TLR5: variants seen among roughly 807,000 people sequenced by gnomAD.
TLR5 encodes the protein toll-like receptor 5.
For missense variants in TLR5, 944 were observed against 999.8 expected (o/e 0.94, Z 0.75); for synonymous variants, 373 against 384.4 (o/e 0.97, Z 0.35).
rs778914774 is a variant in TLR5, at chr1:223,110,492, T to C, written c.2540A>G (p.Asn847Ser). ...LKKEKEKKKD[N>S]NIPLQTVATI... Reference sequence around the variant, plus strand: ...TGCTACAGTTTGCAACGGAATGTTATTGTCTTTCTTCTTTTCTTTTTCTTT... The same window carrying C: ...TGCTACAGTTTGCAACGGAATGTTACTGTCTTTCTTCTTTTCTTTTTCTTT... The change falls in exon 6 of 6, where the codon AAT (asparagine) becomes AGT (serine). Residue 847 changes from asparagine to serine, a missense_variant. Physicochemically the swap from Asn to Ser is conservative, Grantham distance 46. Transcript: ENST00000642603. The C allele has an allele frequency of 2.5e-6, 4 of 1,614,178 alleles. No homozygotes were observed. Among genetic ancestry groups the C allele is most frequent in the Non-Finnish European group, 8.5e-7 (1 of 1,180,034 alleles).
chr1:223,143,174 C>T (rs1258066790), intron 1 of TLR5, 22 bp downstream of exon 1: 1 of 152,232 alleles, frequency 6.6e-6, no homozygotes, highest in East Asian at 1.9e-4. Context: ...CGGCCCATCC[C>T]CTGCCGCTGC....
chr1:223,142,425 G>T (rs968478842), intron 1 of TLR5, among the ~76,000 whole-genome samples: 6 of 152,146 alleles, frequency 3.9e-5, no homozygotes, highest in Non-Finnish European at 8.8e-5. Context: ...TCCCTCCTCC[G>T]GGAGAAAGCC....
At position 223,111,344 on chromosome 1, in the gene TLR5, G is replaced by T; in HGVS notation, c.1688C>A (p.Pro563His). The change falls in exon 6 of 6, where the codon CCT becomes CAT. Residue 563 changes from proline (P) to histidine (H), a missense_variant. Pro to His is a moderately conservative substitution (Grantham distance 77). Coordinates refer to ENST00000642603, the MANE Select transcript of TLR5 (RefSeq NM_003268.6). ...LDISRNQLLAPNPDVFVSLSV... is the reference protein window; with the variant it reads ...LDISRNQLLAHNPDVFVSLSV... ...AAGTGATACAAATACATCAGGATTA[G>T]GAGCTAGGAGCTGGTTCCTGGATAT... 6.2e-7 allele frequency: 1 copy of T among 1,614,146 alleles called. No individual in the cohort carries two copies. Among genetic ancestry groups the T allele is most frequent in the Non-Finnish European group, 8.5e-7 (1 of 1,180,022 alleles).
At chr1:223,119,240 G>A (rs1490316145) in intron 5 of TLR5, among the ~76,000 whole-genome samples, 2 of 152,136 alleles carry the variant, frequency 1.3e-5, no homozygotes, top group Admixed American at 6.5e-5. Flanking sequence ...CCACACAGCT[G>A]TAGGATGTCC....
Position 223,110,491 on chromosome 1 carries a change from A to T in TLR5, c.2541T>A (p.Asn847Lys). Residue 847 changes from asparagine to lysine, a missense_variant, in exon 6 of 6, where the codon AAT (asparagine) becomes AAA (lysine). Coordinates refer to ENST00000642603, the MANE Select transcript of TLR5 (RefSeq NM_003268.6). ...LKKEKEKKKD[N>K]NIPLQTVATI... ...TTGCTACAGTTTGCAACGGAATGTTATTGTCTTTCTTCTTTTCTTTTTCTT... is the reference window on the plus strand; with the variant it reads ...TTGCTACAGTTTGCAACGGAATGTTTTTGTCTTTCTTCTTTTCTTTTTCTT... The T allele has an allele frequency of 6.2e-7, 1 of 1,614,110 alleles. No individual in the cohort carries two copies. Among genetic ancestry groups the T allele is most frequent in the Non-Finnish European group, 8.5e-7 (1 of 1,180,014 alleles).
rs777494407 is a variant in TLR5 at position 223,110,993 on chromosome 1, T to C, written c.2039A>G (p.Lys680Arg). The change falls in exon 6 of 6, where the codon AAG (lysine) becomes AGG (arginine). Residue 680 changes from lysine to arginine, a missense_variant. Coordinates refer to ENST00000642603, the MANE Select transcript of TLR5 (RefSeq NM_003268.6). ...AGGTTCTGTGCCCTGGGGATGGTCC[T>C]TGAACACCAGTCTCTGGGCTGTCTT... ...CYKTAQRLVFKDHPQGTEPDM... is the reference protein window; with the variant it reads ...CYKTAQRLVFRDHPQGTEPDM... 5.0e-6 allele frequency: 8 copies of C among 1,614,248 alleles called. No homozygotes were observed. The Admixed American group carries it at 1.3e-4, about 27-fold the overall frequency.
At chr1:223,136,191 C>T (rs5744140) in intron 3 of TLR5, among the ~76,000 whole-genome samples, 2,747 of 152,238 alleles carry the variant, frequency 0.018, 85 homozygotes, top group East Asian at 0.091. Flanking sequence ...GGTCTGTCAG[C>T]ACCAGGAAGA....
At chr1:223,133,903 T>A (rs1357140478) in intron 4 of TLR5, among the ~76,000 whole-genome samples, 2 of 151,990 alleles carry the variant, frequency 1.3e-5, no homozygotes, top group Non-Finnish European at 2.9e-5. Flanking sequence ...GGCCGGAGAG[T>A]CGAGCGGGGC....
rs1052963925 is a variant in TLR5 at position 223,131,932 on chromosome 1, T to C, written c.-5+543A>G. On this transcript the variant is annotated intron_variant, in intron 5 of 5. Transcript: ENST00000642603. This position sits in a 1 kb window ranked among gnomAD's most constrained non-coding sequence, Gnocchi z 4.2. ...TGGTATTCTGGGTACATTTCCATCA[T>C]GGCATTTTTATTATATTATGCCTTC... 1.4e-4 allele frequency among the ~76,000 whole-genome samples: 21 copies of C among 151,898 alleles called. No homozygotes were observed. The highest frequency in any genetic ancestry group is 4.4e-4 in the African/African-American group (18 of 41,376).
intron 5 of TLR5, among the ~76,000 whole-genome samples, chr1:223,119,069 A>C (rs1656815157): frequency 6.6e-6 from 1 of 152,084 alleles, no homozygotes; most frequent in Non-Finnish European, 1.5e-5. Flanking sequence ...GTGCCATTGC[A>C]CTCCAGCCTG....
At chr1:223,137,801 A>C (rs1657669429) in intron 2 of TLR5, among the ~76,000 whole-genome samples, 1 of 151,982 alleles carries the variant, frequency 6.6e-6, no homozygotes, top group African/African-American at 2.4e-5. Flanking sequence ...AACAAACAGA[A>C]AGTCTTCTCT....
At chr1:223,140,052 CAACAG>C (rs559035055) in intron 2 of TLR5, among the ~76,000 whole-genome samples, 25 of 152,172 alleles carry the variant, frequency 1.6e-4, no homozygotes, top group Admixed American at 9.8e-4. Flanking sequence ...TACGGAGCTT[CAACAG>C]AGGTCTATGC....
At position 223,111,747 on chromosome 1, in the gene TLR5, G is replaced by GGAT. The variant is rs1558117511; in HGVS notation, c.1282_1284dup (p.Ile428dup). On this transcript the variant is annotated inframe_insertion, in exon 6 of 6. Coordinates refer to ENST00000642603, the MANE Select transcript of TLR5 (RefSeq NM_003268.6). ...TTTTCTAGCCTGTTTTCTGATAAGT[G>GGAT]GATGAGGTTCGCTGTAAGGTTGATC... The GGAT allele has an allele frequency of 2.5e-6, 4 of 1,614,104 alleles. No homozygotes were observed. Among genetic ancestry groups the GGAT allele is most frequent in the Middle Eastern group, 3.3e-4 (2 of 6,062 alleles).
intron 5 of TLR5, among the ~76,000 whole-genome samples, chr1:223,114,601 G>A (rs1434709381): frequency 1.3e-5 from 2 of 152,184 alleles, no homozygotes; most frequent in Non-Finnish European, 2.9e-5. Context: ...CTCTGACGAG[G>A]TTGTGCTTTG....
At chr1:223,141,834 GAGAGAGAGAGAGAGAGAGAGAGAA>G (rs1657882641) in intron 1 of TLR5, 71 bp from the exon 2 acceptor site, 6 of 142,688 alleles carry the variant, frequency 4.2e-5, no homozygotes, top group African/African-American at 1.3e-4. Flanking sequence ...GAGAGAGAGA[GAGAGAGAGAGAGAGAGAGAGAGAA>G]AGAGAGAGAG....
chr1:223,142,893 G>A (rs999371779), intron 1 of TLR5, among the ~76,000 whole-genome samples: 2 of 152,174 alleles, frequency 1.3e-5, no homozygotes, highest in African/African-American at 4.8e-5. Context: ...GTTTCAAAGC[G>A]AGGATGTGAG....
chr1:223,119,362 T>C (rs1656827339), intron 5 of TLR5, among the ~76,000 whole-genome samples: 1 of 152,144 alleles, frequency 6.6e-6, no homozygotes, highest in Non-Finnish European at 1.5e-5. Flanking sequence ...ACTGAATTTT[T>C]CAGGAATGCA....
Position 223,112,921 on chromosome 1 carries a change from G to A in TLR5, c.111C>T (p.Asn37=), listed in dbSNP as rs142223042. 6.2e-7 allele frequency: 1 copy of A among 1,614,196 alleles called. No individual in the cohort carries two copies. ...DGRIAFYRFC[N]LTQVPQVLNT... The stretch of plus-strand genomic sequence containing the variant: ...TGAGGACCTGGGGGACCTGGGTGAG[G>A]TTGCAGAAACGATAAAAGGCTATTC... Residue 37 remains asparagine (N), a synonymous_variant, in exon 6 of 6, where the codon AAC becomes AAT. Coordinates refer to ENST00000642603, the MANE Select transcript of TLR5 (RefSeq NM_003268.6).
chr1:223,111,404 T>G lies in TLR5; in HGVS notation c.1628A>C (p.His543Pro). 1 of 1,614,198 alleles carries G rather than the reference T, an allele frequency of 6.2e-7. No homozygotes were observed. The highest frequency in any genetic ancestry group is 8.5e-7 in the Non-Finnish European group (1 of 1,180,022). The change falls in exon 6 of 6, where the codon CAC (histidine) becomes CCC (proline). Residue 543 changes from histidine to proline, a missense_variant. Physicochemically the swap from His to Pro is moderately conservative, Grantham distance 77. Coordinates refer to ENST00000642603, the MANE Select transcript of TLR5 (RefSeq NM_003268.6). ...CTCTAAATTAGCAGGTAAATCATTG[T>G]GAGAAAGAACTGTCAGCCTGTTGGA... is the stretch of plus-strand genomic sequence containing the variant. ...LNSNRLTVLS[H>P]NDLPANLEIL...
Sources: gnomAD v4.1 joint callset for allele counts (sites outside exome capture counted in the v4.1 genomes callset) on GRCh38, gnomAD v4.1.1 for gene constraint, Gnocchi (gnomAD v3.1) non-coding constraint, MANE v1.5 for transcripts, NCBI Gene and HGNC (gene_info 2026-07-23, HGNC 2026-07-21) for gene names.